Variants in TELO2 observed in about 807,000 individuals in gnomAD.
The protein encoded by TELO2 is telomere maintenance 2.
In TELO2, 71 loss-of-function variants were observed where a neutral mutation model predicts 91.0. The observed-to-expected ratio is 0.78, with a 90% CI of 0.64 to 0.95. TELO2 has a LOEUF of 0.95. Ranked by LOEUF, TELO2 falls within the 40% of genes least tolerant of loss-of-function variation. The pLI is 0.00. For missense variants in TELO2, 1,183 were observed against 1,141.3 expected (o/e 1.04, Z -0.53); for synonymous variants, 584 against 518.9 (o/e 1.13, Z -1.71).
intron 9 of TELO2, among the ~76,000 whole-genome samples, chr16:1,500,910 C>G (rs1472633499): frequency 6.6e-6 from 1 of 152,234 alleles, no homozygotes; most frequent in Non-Finnish European, 1.5e-5. Context: ...ACAGGGCCCC[C>G]AGAAGGATTG....
At position 1,494,504 on chromosome 16, in the gene TELO2, C is replaced by G. The variant is rs1241278263; in HGVS notation, c.223C>G (p.Leu75Val). ...CLASRLSPAW[L>V]ELLPHGRLEE... ...TGCCAGCAGGCTGAGCCCAGCCTGG[C>G]TGGAGCTGCTGCCCCATGGCCGCCT... Residue 75 changes from leucine (L) to valine (V), a missense_variant, in exon 2 of 21, where the codon CTG (leucine) becomes GTG (valine). Physicochemically the swap from Leu to Val is conservative, Grantham distance 32. Transcript: ENST00000262319. This position sits in a 1 kb window ranked among gnomAD's most constrained non-coding sequence, Gnocchi z 5.6. 6.2e-7 allele frequency: 1 copy of G among 1,613,190 alleles called. No individual in the cohort carries two copies.
chr16:1,499,374 T>C, intron 6 of TELO2, 41 bp downstream of exon 6: 1 of 1,602,538 alleles, frequency 6.2e-7, no homozygotes, highest in South Asian at 1.1e-5. Flanking sequence ...GGCTGCCCCA[T>C]CACAGCAAGA....
chr16:1,504,709 C>T lies in TELO2; in HGVS notation c.1843-701C>T, dbSNP rs192756234. 4.8e-3 allele frequency among the ~76,000 whole-genome samples: 729 copies of T among 151,512 alleles called. 10 individuals are homozygous for T. Among genetic ancestry groups the T allele is most frequent in the African/African-American group, 0.017 (685 of 41,336 alleles). ...AGTAGCTGGGACTACAGGCGCCCGC[C>T]ACCACGCCCGGCTAATTTTGTGTAT... On this transcript the variant is annotated intron_variant, in intron 15 of 20. Transcript: ENST00000262319.
At chr16:1,502,272 C>T in intron 12 of TELO2, 41 bp from the exon 13 acceptor site, 1 of 1,570,338 alleles carries the variant, frequency 6.4e-7, no homozygotes, top group Non-Finnish European at 8.6e-7. Context: ...GGTTCAGGGT[C>T]AGGGCTGAGG....
intron 5 of TELO2, among the ~76,000 whole-genome samples, chr16:1,498,757 C>T (rs1272289997): frequency 6.6e-6 from 1 of 152,020 alleles, no homozygotes; most frequent in East Asian, 1.9e-4. Flanking sequence ...GGGAGAAATC[C>T]AGCCATATCT....
At chr16:1,501,850 C>T (rs1431332222) in intron 11 of TELO2, 77 bp downstream of exon 11, 27 of 1,502,102 alleles carry the variant, frequency 1.8e-5, no homozygotes, top group Non-Finnish European at 2.4e-5. Context: ...GCTGCGGCCC[C>T]GTGGGGGGCT....
At position 1,499,845 on chromosome 16, in the gene TELO2, C is replaced by T. The variant is rs183436596; in HGVS notation, c.934-251C>T. Among the ~76,000 whole-genome samples, 400 of 152,344 alleles carry T rather than the reference C, an allele frequency of 2.6e-3. 3 individuals carry two copies. Among genetic ancestry groups the T allele is most frequent in the South Asian group, 0.019 (92 of 4,834 alleles). On this transcript the variant is annotated intron_variant, in intron 6 of 20. Transcript: ENST00000262319. ...CCAGCACGGCAGCAGCTGCATCCTA[C>T]GTTTTTATATGGAACCGTTTTATCA...
At chr16:1,495,865 C>T (rs753779253) in intron 3 of TELO2, among the ~76,000 whole-genome samples, 15 of 152,358 alleles carry the variant, frequency 9.8e-5, no homozygotes, top group South Asian at 2.1e-4. Context: ...TTCCAGGGCC[C>T]AACTGTGCTG....
Position 1,505,630 on chromosome 16 carries a change from G to GTCCCCATGCCCGTGAGGA in TELO2, c.2034+29_2034+30insTCCCCATGCCCGTGAGGA. 1.3e-6 allele frequency: 2 copies of GTCCCCATGCCCGTGAGGA among 1,594,662 alleles called. No homozygotes were observed. Among genetic ancestry groups the GTCCCCATGCCCGTGAGGA allele is most frequent in the Non-Finnish European group, 1.7e-6 (2 of 1,169,386 alleles). ...AGTGGCGCCTGGTCAGCTCCTCACG[G>GTCCCCATGCCCGTGAGGA]GCATGGGGACCGTGGGTGGGTGGGA... On this transcript the variant is annotated intron_variant, in intron 16 of 20. Transcript: ENST00000262319. This position sits in a 1 kb window ranked among gnomAD's most constrained non-coding sequence, Gnocchi z 4.3.
rs532008875 is a variant in TELO2 at position 1,495,575 on chromosome 16, G to C, written c.565G>C (p.Gly189Arg). The C allele has an allele frequency of 2.5e-6, 4 of 1,609,500 alleles. No individual in the cohort carries two copies. The African/African-American group carries it at 5.3e-5, about 21-fold the overall frequency. The change falls in exon 3 of 21, where the codon GGC becomes CGC. Residue 189 changes from glycine to arginine, a missense_variant. By Grantham distance (125) the Gly-to-Arg change is moderately radical. Coordinates refer to ENST00000262319, the MANE Select transcript of TELO2 (RefSeq NM_016111.4). ...CCCCCAGAACTACTTCCGCCTGCTCGGCGAGGAGGTCGTCCGGGTGCTGCA... is the reference window on the plus strand; with the variant it reads ...CCCCCAGAACTACTTCCGCCTGCTCCGCGAGGAGGTCGTCCGGGTGCTGCA... ...FFPQNYFRLL[G>R]EEVVRVLQAV...
chr16:1,509,783 A>G lies in TELO2; in HGVS notation c.2408-47A>G, dbSNP rs760338778. On this transcript the variant is annotated intron_variant, in intron 20 of 20. Coordinates refer to ENST00000262319, the MANE Select transcript of TELO2 (RefSeq NM_016111.4). ...GACTGAAGACAGGAGGAGGGAGAAT[A>G]CGCCCTCCACGCTGCCTCAGCTTTG... 1.3e-5 allele frequency: 19 copies of G among 1,500,096 alleles called. No individual in the cohort carries two copies. The Admixed American group carries it at 3.5e-4, about 28-fold the overall frequency. The allele number at this position is 1,500,096 out of a possible 1,614,324, so 92.9% of individuals were successfully genotyped here. A position where few individuals can be genotyped will look rare whatever the true frequency, so the allele number is the denominator to read the frequency against.
In TELO2 at chr16:1,505,720, G is replaced by A. The variant is rs1009057009; in HGVS notation, c.2034+119G>A. 2.0e-5 allele frequency: 26 copies of A among 1,276,226 alleles called. No homozygotes were observed. In the Admixed American group the frequency reaches 5.7e-4, roughly 28 times the overall value. The allele number at this position is 1,276,226 out of a possible 1,614,324, so 79.1% of individuals were successfully genotyped here. A position where few individuals can be genotyped will look rare whatever the true frequency, so the allele number is the denominator to read the frequency against. On this transcript the variant is annotated intron_variant, in intron 16 of 20. Coordinates refer to ENST00000262319, the MANE Select transcript of TELO2 (RefSeq NM_016111.4). This position sits in a 1 kb window ranked among gnomAD's most constrained non-coding sequence, Gnocchi z 4.3. ...GGCGGCCACATTCGCTGGGGATGGT[G>A]CCTTTGCCGGGATTCCTGAAAGGCA...
chr16:1,504,472 A>T (rs982779717), intron 15 of TELO2, among the ~76,000 whole-genome samples: 14 of 149,040 alleles, frequency 9.4e-5, no homozygotes, highest in Admixed American at 3.4e-4. Context: ...GGAGGGGTTA[A>T]CGTGGTAAAT....
At position 1,497,430 on chromosome 16, in the gene TELO2, T is replaced by C; in HGVS notation, c.752T>C (p.Val251Ala). The C allele has an allele frequency of 6.4e-7, 1 of 1,560,758 alleles. No individual in the cohort carries two copies. The highest frequency in any genetic ancestry group is 8.7e-7 in the Non-Finnish European group (1 of 1,153,362). ...CAGGGCAGCTACCTGCACCAGCGCG[T>C]CTGCTGGCGCCTGGTGGAGCAAGTG... ...LTQGSYLHQR[V>A]CWRLVEQVPD... Residue 251 changes from valine (V) to alanine (A), a missense_variant, in exon 5 of 21, where the codon GTC (valine) becomes GCC (alanine). Coordinates refer to ENST00000262319, the MANE Select transcript of TELO2 (RefSeq NM_016111.4). The surrounding 1 kb of genome is among the most constrained non-coding windows in gnomAD (Gnocchi z 4.0).
intron 15 of TELO2, among the ~76,000 whole-genome samples, chr16:1,504,503 A>G (rs939104012): frequency 2.7e-5 from 4 of 150,158 alleles, no homozygotes; most frequent in Non-Finnish European, 5.9e-5. Context: ...TTTTACCACA[A>G]TAAAGCAAAA....
Position 1,494,740 on chromosome 16 carries a change from C to G in TELO2, c.335+124C>G. 2 of 1,036,554 alleles carry G rather than the reference C, an allele frequency of 1.9e-6. No individual in the cohort carries two copies. Among genetic ancestry groups the G allele is most frequent in the Non-Finnish European group, 2.7e-6 (2 of 733,460 alleles). 64.2% of individuals were successfully genotyped at this position (1,036,554 alleles called of 1,614,324 possible). A position where few individuals can be genotyped will look rare whatever the true frequency, so the allele number is the denominator to read the frequency against. On this transcript the variant is annotated intron_variant, in intron 2 of 20. Transcript: ENST00000262319. This position sits in a 1 kb window ranked among gnomAD's most constrained non-coding sequence, Gnocchi z 5.6. ...GGCTAGAGAGAGAGCCTGCTCCTGG[C>G]TGAACCCCTGAACAGAAGAAGCGGT...
In TELO2 at chr16:1,510,121, C is replaced by T. The variant is rs1405437118; in HGVS notation, c.*185C>T. The T allele has an allele frequency of 3.3e-6, 2 of 601,106 alleles. No homozygotes were observed. The highest frequency in any genetic ancestry group is 2.9e-5 in the East Asian group (1 of 34,952). 37.2% of individuals were successfully genotyped at this position (601,106 alleles called of 1,614,324 possible). ...TAGTGCAGCCAGTCCGCTAAAAATACACTGGGCCTGGGCACTGCCCGCCGG... is the reference window on the plus strand; with the variant it reads ...TAGTGCAGCCAGTCCGCTAAAAATATACTGGGCCTGGGCACTGCCCGCCGG... On this transcript the variant is annotated 3_prime_UTR_variant, in exon 21 of 21. Coordinates refer to ENST00000262319, the MANE Select transcript of TELO2 (RefSeq NM_016111.4).
chr16:1,507,660 C>T lies in TELO2; in HGVS notation c.2351C>T (p.Ala784Val), dbSNP rs755320103. 4.0e-5 allele frequency: 64 copies of T among 1,602,640 alleles called. No homozygotes were observed. The highest frequency in any genetic ancestry group is 3.3e-4 in the Middle Eastern group (2 of 6,084). Reference protein sequence around the residue: ...VSSVLLSLPAARLLEDLMDEL... With the variant: ...VSSVLLSLPAVRLLEDLMDEL... ...TCCGTCCTGCTCAGCCTGCCTGCTGCGCGCCTGCTGGAGGACCTGATGGAC... is the reference window on the plus strand; with the variant it reads ...TCCGTCCTGCTCAGCCTGCCTGCTGTGCGCCTGCTGGAGGACCTGATGGAC... Residue 784 changes from alanine to valine, a missense_variant, in exon 20 of 21, where the codon GCG (alanine) becomes GTG (valine). Transcript: ENST00000262319.
chr16:1,502,214 C>G (rs1389675003), intron 12 of TELO2, 79 bp downstream of exon 12: 1 of 1,587,224 alleles, frequency 6.3e-7, no homozygotes, highest in Non-Finnish European at 8.6e-7. Flanking sequence ...CAAGGGGCCA[C>G]CGGGAAGCCC....
Sources: allele counts gnomAD v4.1 joint callset (sites outside exome capture counted in the v4.1 genomes callset), GRCh38; gene constraint gnomAD v4.1.1; non-coding constraint Gnocchi (gnomAD v3.1); transcripts MANE v1.5; gene names NCBI Gene and HGNC (gene_info 2026-07-23, HGNC 2026-07-21).